Variants in FNDC3A observed in about 807,000 individuals in gnomAD.
The protein encoded by FNDC3A is fibronectin type III domain containing 3A, also known as fibronectin type-III domain-containing protein 3A.
In FNDC3A, 32 loss-of-function variants were observed where a neutral mutation model predicts 148.9. The ratio of observed to expected loss-of-function variants is 0.21; its 90% CI spans 0.16 to 0.29. The LOEUF is 0.29. Among genes scored for constraint, FNDC3A ranks in the 10% least tolerant of loss-of-function variants. FNDC3A has a pLI of 1.00. For synonymous variants in FNDC3A, 472 were observed against 473.6 expected (o/e 1.00, Z 0.04); for missense variants, 1,191 against 1,452.8 (o/e 0.82, Z 2.93).
chr13:49,090,936 G>A (rs1304103399), intron 3 of FNDC3A, among the ~76,000 whole-genome samples: 3 of 152,118 alleles, frequency 2.0e-5, no homozygotes, highest in African/African-American at 7.2e-5. Flanking sequence ...CAAGGTTGCA[G>A]TGAGCTATGC....
intron 2 of FNDC3A, among the ~76,000 whole-genome samples, chr13:49,026,532 C>T (rs1057182911): frequency 1.3e-5 from 2 of 152,122 alleles, no homozygotes; most frequent in East Asian, 3.9e-4. Flanking sequence ...AAGACAGGGT[C>T]CTGTTCTGTC....
chr13:49,118,194 C>A (rs1881088449), intron 4 of FNDC3A, among the ~76,000 whole-genome samples: 1 of 152,134 alleles, frequency 6.6e-6, no homozygotes, highest in Non-Finnish European at 1.5e-5. Context: ...AGAGGGCAAG[C>A]CCACAGAGGG....
chr13:49,178,898 A>G (rs1209234636), intron 14 of FNDC3A, among the ~76,000 whole-genome samples: 2 of 151,984 alleles, frequency 1.3e-5, no homozygotes, highest in Admixed American at 1.3e-4. Context: ...ACACCTGGCT[A>G]ACTTATTTTG....
At chr13:49,043,143 T>A (rs1875082236) in intron 2 of FNDC3A, among the ~76,000 whole-genome samples, 1 of 151,320 alleles carries the variant, frequency 6.6e-6, no homozygotes, top group Non-Finnish European at 1.5e-5. Context: ...TTTTTTAATA[T>A]TTTGTAGAGA....
At chr13:49,192,440 G>A (rs1885933243) in intron 19 of FNDC3A, among the ~76,000 whole-genome samples, 1 of 152,068 alleles carries the variant, frequency 6.6e-6, no homozygotes, top group Admixed American at 6.5e-5. Flanking sequence ...GACCACAGGT[G>A]TACATCACCA....
chr13:49,103,615 A>G (rs973044175), intron 3 of FNDC3A, among the ~76,000 whole-genome samples: 10 of 152,244 alleles, frequency 6.6e-5, no homozygotes, highest in African/African-American at 2.2e-4. Flanking sequence ...GAATAGTTCT[A>G]GAAAGAGCCT....
chr13:49,053,777 C>A (rs1217752215), intron 2 of FNDC3A, among the ~76,000 whole-genome samples: 1 of 152,102 alleles, frequency 6.6e-6, no homozygotes, highest in Non-Finnish European at 1.5e-5. Flanking sequence ...CTATTCAGAG[C>A]CTTAGTAGGT....
At chr13:48,986,112 A>G (rs1593438141) in intron 1 of FNDC3A, among the ~76,000 whole-genome samples, 1 of 152,186 alleles carries the variant, frequency 6.6e-6, no homozygotes, top group East Asian at 1.9e-4. Context: ...AAGAAGTGAG[A>G]ATTCTACCAG....
intron 19 of FNDC3A, among the ~76,000 whole-genome samples, chr13:49,195,630 T>G (rs1886109909): frequency 6.6e-6 from 1 of 152,250 alleles, no homozygotes; most frequent in Non-Finnish European, 1.5e-5. Flanking sequence ...AGTCGTTATT[T>G]ATTAACATTT....
At chr13:49,122,291 A>G (rs576850536) in intron 4 of FNDC3A, among the ~76,000 whole-genome samples, 3 of 152,024 alleles carry the variant, frequency 2.0e-5, no homozygotes, top group Admixed American at 6.6e-5. Context: ...CCTTCAATAA[A>G]ATTGAAGGCC....
intron 16 of FNDC3A, chr13:49,187,757 ATT>A: frequency 1.2e-6 from 1 of 807,530 alleles, no homozygotes; most frequent in Non-Finnish European, 2.0e-6. Context: ...TTTTTCCTGG[ATT>A]TTTTTTTTCT....
At chr13:49,173,346 A>G (rs1593704565) in intron 11 of FNDC3A, among the ~76,000 whole-genome samples, 1 of 152,254 alleles carries the variant, frequency 6.6e-6, no homozygotes, top group East Asian at 1.9e-4. Context: ...CTATTAACAT[A>G]TCACATTAAT....
chr13:49,138,773 G>T lies in FNDC3A; in HGVS notation c.787G>T (p.Glu263Ter). Residue 263 changes from glutamate (E) to a stop codon, truncating the protein, a stop_gained, in exon 7 of 26, where the codon GAA becomes TAA. Transcript: ENST00000492622. LOFTEE classifies it high-confidence loss of function. ...EEKDEETKAF[E>*]ALLSNIVKPV... Reference sequence around the variant, plus strand: ...AAAAGATGAAGAAACTAAAGCATTTGAAGCACTTCTTTCCAACATTGTCAA... The same window carrying T: ...AAAAGATGAAGAAACTAAAGCATTTTAAGCACTTCTTTCCAACATTGTCAA... 1 of 1,510,510 alleles carries T rather than the reference G, an allele frequency of 6.6e-7. No homozygotes were observed. The allele number at this position is 1,510,510 out of a possible 1,614,324, so 93.6% of individuals were successfully genotyped here.
chr13:49,163,249 A>G (rs1232345006), intron 8 of FNDC3A, among the ~76,000 whole-genome samples: 1 of 152,218 alleles, frequency 6.6e-6, no homozygotes, highest in East Asian at 1.9e-4. Context: ...TGGAGTCTAC[A>G]GAGGCAGGCA....
rs550722994 is a variant in FNDC3A, at chr13:49,159,876, CAT to C, written c.978-7367_978-7366del. 2.8e-3 allele frequency among the ~76,000 whole-genome samples: 425 copies of C among 152,236 alleles called. 1 individual carries two copies. Among genetic ancestry groups the C allele is most frequent in the African/African-American group, 9.5e-3 (395 of 41,540 alleles). The stretch of plus-strand genomic sequence containing the variant: ...CTTTTTCTGCATCTATTGAGATAAA[CAT>C]GTGGTTTTTGTCTTTGGTTCTATTT... On this transcript the variant is annotated intron_variant, in intron 8 of 25. Transcript: ENST00000492622.
intron 4 of FNDC3A, among the ~76,000 whole-genome samples, chr13:49,128,926 C>T (rs1881865653): frequency 2.0e-5 from 3 of 152,222 alleles, no homozygotes; most frequent in Admixed American, 2.0e-4. Context: ...GTAAGGCCTA[C>T]TCTGATCCCT....
At chr13:49,066,435 T>C (rs778922251) in intron 2 of FNDC3A, among the ~76,000 whole-genome samples, 19 of 152,208 alleles carry the variant, frequency 1.2e-4, no homozygotes, top group Non-Finnish European at 2.5e-4. Flanking sequence ...GAAACACTTA[T>C]TGAAGATATA....
At chr13:49,192,150 C>A (rs1347486713) in intron 19 of FNDC3A, among the ~76,000 whole-genome samples, 1 of 152,208 alleles carries the variant, frequency 6.6e-6, no homozygotes, top group Admixed American at 6.5e-5. Context: ...ATAACAATTT[C>A]TTTCAACTAT....
chr13:49,207,592 A>G lies in FNDC3A; in HGVS notation c.*197A>G, dbSNP rs1310648375. The stretch of plus-strand genomic sequence containing the variant: ...TAGAATGCAAGCCACAAAAATATCA[A>G]TTTTGTTTTTTTTGTTAGGGTGGGT... On this transcript the variant is annotated 3_prime_UTR_variant, in exon 26 of 26. Transcript: ENST00000492622. 4 of 435,384 alleles carry G rather than the reference A, an allele frequency of 9.2e-6. No individual in the cohort carries two copies. The highest frequency in any genetic ancestry group is 1.2e-5 in the Non-Finnish European group (3 of 246,290). The allele number at this position is 435,384 out of a possible 1,614,324, so 27.0% of individuals were successfully genotyped here.
Sources: allele counts gnomAD v4.1 joint callset (sites outside exome capture counted in the v4.1 genomes callset), GRCh38; gene constraint gnomAD v4.1.1; transcripts MANE v1.5; gene names NCBI Gene and HGNC (gene_info 2026-07-23, HGNC 2026-07-21).